Variants in ARHGEF28 observed in about 807,000 individuals in gnomAD.
ARHGEF28 encodes Rho guanine nucleotide exchange factor 28, also known as 190 kDa guanine nucleotide exchange factor.
In ARHGEF28, 152 loss-of-function variants were observed where a neutral mutation model predicts 206.6. The observed-to-expected ratio is 0.74, with a 90% CI of 0.64 to 0.84. The LOEUF (loss-of-function observed/expected upper bound fraction) is 0.84, where lower values mean the gene tolerates loss of function less well. Ranked by LOEUF, ARHGEF28 falls within the 40% of genes least tolerant of loss-of-function variation. ARHGEF28 has a pLI of 0.00. For synonymous variants in ARHGEF28, 763 were observed against 776.4 expected (o/e 0.98, Z 0.29); for missense variants, 2,028 against 2,073.2 (o/e 0.98, Z 0.42).
chr5:73,838,908 G>A (rs538053161), intron 10 of ARHGEF28, among the ~76,000 whole-genome samples: 6 of 151,842 alleles, frequency 4.0e-5, no homozygotes, highest in Admixed American at 3.3e-4. Context: ...TCCATTACAT[G>A]TGTTGCATAT....
chr5:73,760,304 GTT>G (rs11303508), intron 4 of ARHGEF28, among the ~76,000 whole-genome samples: 159 of 147,074 alleles, frequency 1.1e-3, no homozygotes, highest in Non-Finnish European at 1.6e-3. Context: ...AGTTTCCAGT[GTT>G]TTTTTTTTTT....
chr5:73,883,923 A>T, intron 24 of ARHGEF28, 39 bp downstream of exon 24: 6 of 1,343,948 alleles, frequency 4.5e-6, no homozygotes, highest in Non-Finnish European at 5.1e-6. Context: ...TGCCCCTCTT[A>T]TTAGTTTTAA....
intron 4 of ARHGEF28, among the ~76,000 whole-genome samples, chr5:73,763,147 A>G (rs113670591): frequency 0.048 from 7,291 of 152,072 alleles, 248 homozygotes; most frequent in Non-Finnish European, 0.075. Flanking sequence ...TTCCTGGTTG[A>G]CTTTTTTCCA....
At chr5:73,776,077 C>G (rs182833187) in intron 5 of ARHGEF28, among the ~76,000 whole-genome samples, 1 of 152,310 alleles carries the variant, frequency 6.6e-6, no homozygotes, top group Non-Finnish European at 1.5e-5. Context: ...TTTATGACAT[C>G]CAAACCTCAC....
At chr5:73,937,271 C>G (rs1468892845) in intron 35 of ARHGEF28, among the ~76,000 whole-genome samples, 2 of 152,310 alleles carry the variant, frequency 1.3e-5, no homozygotes, top group South Asian at 2.1e-4. Context: ...TTAGACCCCC[C>G]ACGGTGGTCC....
intron 2 of ARHGEF28, among the ~76,000 whole-genome samples, chr5:73,708,314 A>C (rs1749054639): frequency 6.6e-6 from 1 of 152,052 alleles, no homozygotes; most frequent in South Asian, 2.1e-4. Context: ...CACTGAGCAT[A>C]GTAGCCAATA....
At chr5:73,885,518 G>A (rs973518362) in intron 24 of ARHGEF28, among the ~76,000 whole-genome samples, 5 of 145,220 alleles carry the variant, frequency 3.4e-5, no homozygotes, top group Non-Finnish European at 7.5e-5. Context: ...ACTCTGTCTC[G>A]TAGGCTGGAG....
Position 73,644,670 on chromosome 5 carries a change from T to C in ARHGEF28, c.-12+18348T>C, listed in dbSNP as rs145735427. Among the ~76,000 whole-genome samples, 1,284 of 152,308 alleles carry C rather than the reference T, an allele frequency of 8.4e-3. 29 individuals are homozygous for C. Among genetic ancestry groups the C allele is most frequent in the African/African-American group, 0.029 (1,223 of 41,570 alleles). ...TCTGCCTTTGCATTTACTTTCCTTT[T>C]GCTTATCATTTATTTTTCTCTTGCC... On this transcript the variant is annotated intron_variant, in intron 1 of 35. Transcript: ENST00000513042.
chr5:73,938,471 ACCT>A (rs1742344436), intron 35 of ARHGEF28, among the ~76,000 whole-genome samples: 1 of 151,808 alleles, frequency 6.6e-6, no homozygotes, highest in African/African-American at 2.4e-5. Flanking sequence ...GTCAGCAATG[ACCT>A]CCCAGCTGCC....
At chr5:73,863,464 A>C (rs1336297849) in intron 16 of ARHGEF28, 1 of 152,060 alleles carries the variant, frequency 6.6e-6, no homozygotes, top group Non-Finnish European at 1.5e-5. Flanking sequence ...GTAATTTCAT[A>C]GCTCGGCTTT....
intron 2 of ARHGEF28, among the ~76,000 whole-genome samples, chr5:73,712,397 T>G (rs577981775): frequency 1.2e-3 from 176 of 152,320 alleles, no homozygotes; most frequent in African/African-American, 3.9e-3. Flanking sequence ...ATAGTCTACC[T>G]TTTTTGACTG....
chr5:73,812,004 A>G (rs1405835463), intron 9 of ARHGEF28, among the ~76,000 whole-genome samples: 4 of 151,908 alleles, frequency 2.6e-5, no homozygotes, highest in Non-Finnish European at 5.9e-5. Context: ...AAAAAGCCAC[A>G]AAATAGAAAA....
At chr5:73,841,582 T>C (rs892757483) in intron 11 of ARHGEF28, among the ~76,000 whole-genome samples, 1 of 151,680 alleles carries the variant, frequency 6.6e-6, no homozygotes, top group African/African-American at 2.4e-5. Flanking sequence ...GGCACGCACA[T>C]GTGGTCCTGA....
intron 2 of ARHGEF28, among the ~76,000 whole-genome samples, chr5:73,688,161 C>T (rs896837038): frequency 6.6e-6 from 1 of 152,052 alleles, no homozygotes; most frequent in Non-Finnish European, 1.5e-5. Flanking sequence ...ACTAGAAAAT[C>T]TAATTACAAC....
rs372732349 is a variant in ARHGEF28, at chr5:73,749,954, G to A, written c.151G>A (p.Glu51Lys). Residue 51 changes from glutamate to lysine, a missense_variant, in exon 3 of 36, where the codon GAG (glutamate) becomes AAG (lysine). Glu to Lys is a moderately conservative substitution (Grantham distance 56). This residue lies in a region of ARHGEF28 where 1,002 missense variants were observed against 1,015.3 expected (regional missense o/e 0.99). Coordinates refer to ENST00000513042, the MANE Select transcript of ARHGEF28 (RefSeq NM_001177693.2). ...ACATGTCATGATTGCAGAGCGCATC[G>A]AGGATAACGTTCTCCAGTCCAGCGT... ...QRHVMIAERIEDNVLQSSVPG... is the reference protein window; with the variant it reads ...QRHVMIAERIKDNVLQSSVPG... The A allele has an allele frequency of 4.5e-5, 73 of 1,613,784 alleles. No individual in the cohort carries two copies. In the African/African-American group the frequency reaches 5.2e-4, roughly 12 times the overall value.
intron 2 of ARHGEF28, among the ~76,000 whole-genome samples, chr5:73,738,369 A>G (rs1211866374): frequency 6.6e-6 from 1 of 152,170 alleles, no homozygotes; most frequent in Non-Finnish European, 1.5e-5. Context: ...GGCTTCTTTC[A>G]GATCTCTAAA....
intron 2 of ARHGEF28, among the ~76,000 whole-genome samples, chr5:73,705,635 T>A (rs1286536598): frequency 6.6e-6 from 1 of 152,054 alleles, no homozygotes. Context: ...TGGATTTGTG[T>A]TTTGATTTAA....
At chr5:73,673,597 G>A (rs556140102) in intron 1 of ARHGEF28, among the ~76,000 whole-genome samples, 1 of 151,960 alleles carries the variant, frequency 6.6e-6, no homozygotes, top group East Asian at 1.9e-4. Context: ...GAGTCATTTT[G>A]GTCAGTTTAA....
At chr5:73,780,872 T>A in intron 7 of ARHGEF28, 127 bp downstream of exon 7, 1 of 957,112 alleles carries the variant, frequency 1.0e-6, no homozygotes, top group Non-Finnish European at 1.6e-6. Context: ...ATCAGGGGTG[T>A]GGGATACAGC....
Sources: gnomAD v4.1 joint callset for allele counts (sites outside exome capture counted in the v4.1 genomes callset) on GRCh38, gnomAD v4.1.1 for gene constraint, gnomAD v4.1.1 regional missense constraint, MANE v1.5 for transcripts, NCBI Gene and HGNC (gene_info 2026-07-23, HGNC 2026-07-21) for gene names.